The following DDAH1 variants were observed in gnomAD, a reference collection of about 807,000 sequenced individuals.
DDAH1 encodes the protein dimethylarginine dimethylaminohydrolase 1, also known as N(G),N(G)-dimethylarginine dimethylaminohydrolase 1.
DDAH1 carries 19 observed loss-of-function variants against 28.8 expected under a neutral mutation model. The observed-to-expected ratio is 0.66, with a 90% CI of 0.46 to 0.97. The LOEUF (loss-of-function observed/expected upper bound fraction) is 0.97. DDAH1 is among the 50% of genes least tolerant of loss of function. The pLI is 0.00. For synonymous variants in DDAH1, 153 were observed against 154.4 expected (o/e 0.99, Z 0.07); for missense variants, 326 against 375.9 (o/e 0.87, Z 1.10).
chr1:85,511,059 A>C lies in DDAH1; in HGVS notation c.-122-14778T>G, dbSNP rs183690832. On this transcript the variant is annotated intron_variant, in intron 1 of 6. Transcript: ENST00000426972. ...CAACAGAATATACATTCTTCTCAGCACCATATCGCATTTACTCCAAAATTG... is the reference window on the plus strand; with the variant it reads ...CAACAGAATATACATTCTTCTCAGCCCCATATCGCATTTACTCCAAAATTG... Among the ~76,000 whole-genome samples, 46 of 152,314 alleles carry C rather than the reference A, an allele frequency of 3.0e-4. No homozygotes were observed. In the East Asian group the frequency reaches 5.2e-3, roughly 17 times the overall value.
intron 1 of DDAH1, among the ~76,000 whole-genome samples, chr1:85,408,002 G>A (rs1652485637): frequency 6.6e-6 from 1 of 152,128 alleles, no homozygotes; most frequent in African/African-American, 2.4e-5. Context: ...TGCATTCATA[G>A]GTATTCAAAT....
At chr1:85,351,428 C>CA in intron 3 of DDAH1, 78 bp downstream of exon 3, 1 of 1,140,438 alleles carries the variant, frequency 8.8e-7, no homozygotes, top group African/African-American at 1.5e-5. Context: ...CACCATTACT[C>CA]ATGACATTGA....
At chr1:85,371,462 C>T (rs752505644) in intron 1 of DDAH1, among the ~76,000 whole-genome samples, 1 of 152,176 alleles carries the variant, frequency 6.6e-6, no homozygotes, top group Non-Finnish European at 1.5e-5. Flanking sequence ...TGAATAGCCA[C>T]TGCACTCCAG....
At chr1:85,553,147 A>G (rs1658849719) in intron 1 of DDAH1, among the ~76,000 whole-genome samples, 1 of 152,150 alleles carries the variant, frequency 6.6e-6, no homozygotes, top group Non-Finnish European at 1.5e-5. Context: ...CTACCAAGGT[A>G]CCAGATGTGT....
chr1:85,372,775 T>A (rs907591212), intron 1 of DDAH1, among the ~76,000 whole-genome samples: 1 of 152,128 alleles, frequency 6.6e-6, no homozygotes, highest in Non-Finnish European at 1.5e-5. Context: ...AGGCAGAGTA[T>A]AATGAAATTA....
chr1:85,543,036 G>A (rs1658517649), intron 1 of DDAH1, among the ~76,000 whole-genome samples: 2 of 152,154 alleles, frequency 1.3e-5, no homozygotes, highest in Non-Finnish European at 2.9e-5. Context: ...TTCCTTCAAA[G>A]TCAATGCTTT....
intron 2 of DDAH1, chr1:85,493,990 T>G (rs1259564465): frequency 2.6e-5 from 4 of 152,242 alleles, no homozygotes; most frequent in Non-Finnish European, 4.4e-5. Context: ...GTGAAACTGA[T>G]GTTCAAAAGT....
intron 1 of DDAH1, among the ~76,000 whole-genome samples, chr1:85,389,903 T>C (rs1161682228): frequency 6.6e-6 from 1 of 152,210 alleles, no homozygotes; most frequent in African/African-American, 2.4e-5. Flanking sequence ...GTTACAGTTA[T>C]GCTAATGTAA....
chr1:85,405,273 TA>T (rs1278477816), intron 1 of DDAH1, among the ~76,000 whole-genome samples: 1 of 152,160 alleles, frequency 6.6e-6, no homozygotes, highest in Non-Finnish European at 1.5e-5. Context: ...CGAAAAGAAA[TA>T]GGGTTGAAAC....
chr1:85,326,265 G>A (rs1487902427), intron 4 of DDAH1, among the ~76,000 whole-genome samples: 2 of 152,210 alleles, frequency 1.3e-5, no homozygotes, highest in African/African-American at 2.4e-5. Context: ...CATCAGGAAT[G>A]GGGATGAGCT....
intron 1 of DDAH1, among the ~76,000 whole-genome samples, chr1:85,553,146 T>C (rs1441172679): frequency 1.3e-5 from 2 of 152,118 alleles, no homozygotes; most frequent in Non-Finnish European, 2.9e-5. Context: ...CCTACCAAGG[T>C]ACCAGATGTG....
intron 1 of DDAH1, among the ~76,000 whole-genome samples, chr1:85,513,652 C>G (rs1657336065): frequency 6.6e-6 from 1 of 151,788 alleles, no homozygotes; most frequent in South Asian, 2.1e-4. Context: ...AACAAATTTA[C>G]AAGAAAAAAA....
chr1:85,397,472 TA>T (rs1239734759), intron 1 of DDAH1, among the ~76,000 whole-genome samples: 1 of 152,308 alleles, frequency 6.6e-6, no homozygotes, highest in East Asian at 1.9e-4. Flanking sequence ...TAAGGGTTTT[TA>T]TTGCTTTTTT....
At chr1:85,353,570 T>C (rs185126893) in intron 2 of DDAH1, among the ~76,000 whole-genome samples, 207 of 152,258 alleles carry the variant, frequency 1.4e-3, no homozygotes, top group Non-Finnish European at 2.4e-3. Flanking sequence ...AAACTCATTA[T>C]ATAAAGATCA....
intron 1 of DDAH1, among the ~76,000 whole-genome samples, chr1:85,559,136 C>T (rs1190346490): frequency 6.6e-6 from 1 of 152,190 alleles, no homozygotes; most frequent in African/African-American, 2.4e-5. Flanking sequence ...ACCATTTTCA[C>T]AGTGAAGTCA....
rs531183010 is a variant in DDAH1 at position 85,441,627 on chromosome 1, T to C, written c.303+23116A>G. Among the ~76,000 whole-genome samples the C allele has an allele frequency of 3.3e-5, 5 of 152,272 alleles. No individual in the cohort carries two copies. In the South Asian group the frequency reaches 1.0e-3, roughly 32 times the overall value. ...TTGTTACCCCTCTCAGATCACTCAA[T>C]TGCTTTACTCCAAGCCAGCTGAATA... On this transcript the variant is annotated intron_variant, in intron 1 of 5. Transcript: ENST00000284031.
chr1:85,380,545 T>A (rs900451452), intron 1 of DDAH1: 3 of 152,162 alleles, frequency 2.0e-5, no homozygotes, highest in Non-Finnish European at 4.4e-5. Flanking sequence ...TAGTCACATA[T>A]TATTTGTGAT....
chr1:85,533,359 T>C (rs1482685259), intron 1 of DDAH1, among the ~76,000 whole-genome samples: 3 of 152,078 alleles, frequency 2.0e-5, no homozygotes, highest in Non-Finnish European at 4.4e-5. Context: ...TCAATTGAGA[T>C]GGGGTCTCAC....
At chr1:85,456,701 G>A (rs1483849786) in intron 1 of DDAH1, among the ~76,000 whole-genome samples, 6 of 152,136 alleles carry the variant, frequency 3.9e-5, no homozygotes, top group Admixed American at 6.6e-5. Flanking sequence ...ACGTTTATCC[G>A]GATGTAATTC....
Sources: gnomAD v4.1 joint callset for allele counts (sites outside exome capture counted in the v4.1 genomes callset) on GRCh38, gnomAD v4.1.1 for gene constraint, MANE v1.5 for transcripts, NCBI Gene and HGNC (gene_info 2026-07-23, HGNC 2026-07-21) for gene names.